SNX13: variants seen among roughly 807,000 people sequenced by gnomAD.
SNX13 encodes the protein sorting nexin-13.
SNX13 carries 45 observed loss-of-function variants against 133.6 expected under a neutral mutation model. The observed-to-expected ratio is 0.34, with a 90% CI of 0.27 to 0.43. The LOEUF (loss-of-function observed/expected upper bound fraction) is 0.43, where lower values mean the gene tolerates loss of function less well. SNX13 is among the 20% of genes least tolerant of loss of function. SNX13 has a pLI of 1.00. For missense variants in SNX13, 1,032 were observed against 1,145.1 expected (o/e 0.90, Z 1.43); for synonymous variants, 414 against 373.9 (o/e 1.11, Z -1.24).
chr7:17,841,008 C>A (rs1222997568), intron 12 of SNX13, among the ~76,000 whole-genome samples: 1 of 152,052 alleles, frequency 6.6e-6, no homozygotes, highest in Non-Finnish European at 1.5e-5. Flanking sequence ...ACTACTAGAA[C>A]AAGTAGCTGT....
At chr7:17,897,208 T>C (rs1797302726) in intron 2 of SNX13, 126 bp downstream of exon 2, 1 of 470,056 alleles carries the variant, frequency 2.1e-6, no homozygotes, top group Non-Finnish European at 3.6e-6. Context: ...TTTTTTTAAC[T>C]TTAGTAAAAG....
intron 1 of SNX13, among the ~76,000 whole-genome samples, chr7:17,909,279 G>A (rs1349063890): frequency 6.6e-6 from 1 of 152,144 alleles, no homozygotes; most frequent in Admixed American, 6.5e-5. Flanking sequence ...TCAACCATGT[G>A]GAAGACAGTG....
intron 9 of SNX13, among the ~76,000 whole-genome samples, chr7:17,857,558 C>T (rs1053957799): frequency 6.6e-6 from 1 of 152,014 alleles, no homozygotes; most frequent in African/African-American, 2.4e-5. Flanking sequence ...GCCGAGGTGG[C>T]GGATCACCAG....
chr7:17,870,798 G>T (rs922349042), intron 8 of SNX13, among the ~76,000 whole-genome samples: 8 of 152,088 alleles, frequency 5.3e-5, no homozygotes, highest in Non-Finnish European at 1.2e-4. Flanking sequence ...GGAGAAAGAG[G>T]TATCAAATTA....
intron 18 of SNX13, among the ~76,000 whole-genome samples, chr7:17,817,027 A>G (rs1280552437): frequency 1.3e-5 from 2 of 152,250 alleles, no homozygotes; most frequent in Admixed American, 6.5e-5. Flanking sequence ...TGTATACACA[A>G]TTATAATAAA....
At chr7:17,863,574 G>C (rs1477680334) in intron 9 of SNX13, among the ~76,000 whole-genome samples, 1 of 152,236 alleles carries the variant, frequency 6.6e-6, no homozygotes, top group Non-Finnish European at 1.5e-5. Context: ...CCCTTGGCCA[G>C]AAGGGAAGCT....
chr7:17,837,984 G>A (rs771452309), intron 13 of SNX13, among the ~76,000 whole-genome samples: 6 of 151,866 alleles, frequency 4.0e-5, no homozygotes, highest in African/African-American at 1.2e-4. Flanking sequence ...CCTCGTCAAA[G>A]ATCACCTACC....
chr7:17,873,798 C>T (rs1365657630), intron 7 of SNX13, among the ~76,000 whole-genome samples, 182 bp from the exon 8 acceptor site: 3 of 152,120 alleles, frequency 2.0e-5, no homozygotes, highest in African/African-American at 7.2e-5. Context: ...CAAGTAGTAA[C>T]TATTCATTAA....
chr7:17,935,984 G>C (rs1311046198), intron 1 of SNX13, among the ~76,000 whole-genome samples: 2 of 152,134 alleles, frequency 1.3e-5, no homozygotes, highest in East Asian at 3.8e-4. Flanking sequence ...TGTGAGCGTG[G>C]ATGTATGATG....
At chr7:17,802,568 T>A (rs1217139642) in intron 21 of SNX13, among the ~76,000 whole-genome samples, 1 of 152,062 alleles carries the variant, frequency 6.6e-6, no homozygotes, top group Non-Finnish European at 1.5e-5. Context: ...ACAGCAGAAG[T>A]GCGACTGAAC....
intron 1 of SNX13, among the ~76,000 whole-genome samples, chr7:17,912,415 C>CTTT (rs34849896): frequency 4.1e-5 from 6 of 147,734 alleles, no homozygotes; most frequent in Non-Finnish European, 6.0e-5. Flanking sequence ...GAGGAAAATG[C>CTTT]TTTTTTTTTT....
chr7:17,846,691 A>G (rs1790575615), intron 11 of SNX13, among the ~76,000 whole-genome samples: 1 of 152,174 alleles, frequency 6.6e-6, no homozygotes, highest in Non-Finnish European at 1.5e-5. Flanking sequence ...ATCCATCTCT[A>G]TAATTTGTAT....
At chr7:17,871,297 G>A (rs1164206160) in intron 8 of SNX13, among the ~76,000 whole-genome samples, 5 of 152,112 alleles carry the variant, frequency 3.3e-5, no homozygotes, top group East Asian at 1.9e-4. Flanking sequence ...GAGCCACCGC[G>A]CCTGGCCAAG....
In SNX13 at chr7:17,897,465, A is replaced by G. The variant is rs1797331730; in HGVS notation, c.13-19T>C. 17 of 1,371,596 alleles carry G rather than the reference A, an allele frequency of 1.2e-5. No homozygotes were observed. Among genetic ancestry groups the G allele is most frequent in the Middle Eastern group, 3.6e-4 (2 of 5,480 alleles). 85.0% of individuals were successfully genotyped at this position (1,371,596 alleles called of 1,614,324 possible). The stretch of plus-strand genomic sequence containing the variant: ...GACTGGCCTGAAATACAGAAAAAAT[A>G]TAAGTAAATTAGTAAATAATTCTCC... On this transcript the variant is annotated intron_variant, in intron 1 of 25. Transcript: ENST00000428135.
Position 17,839,873 on chromosome 7 carries a change from G to C in SNX13, c.1293C>G (p.Thr431=). 6.2e-7 allele frequency: 1 copy of C among 1,611,758 alleles called. No homozygotes were observed. The change falls in exon 13 of 26, where the codon ACC becomes ACG. Residue 431 remains threonine (T), a synonymous_variant. Coordinates refer to ENST00000428135, the MANE Select transcript of SNX13 (RefSeq NM_015132.5). The part of the protein sequence containing the change: ...LSRQRDGKHQ[T]NQTKGLLRAA... The stretch of plus-strand genomic sequence containing the variant: ...CTCTTAAAAGACCTTTGGTTTGGTT[G>C]GTTTGATGTTTTCCATCTCTCTGAC...
At chr7:17,804,121 G>T (rs1784926519) in intron 20 of SNX13, among the ~76,000 whole-genome samples, 1 of 151,802 alleles carries the variant, frequency 6.6e-6, no homozygotes, top group South Asian at 2.1e-4. Context: ...GCCAGATGAG[G>T]TTATTCTTAG....
intron 1 of SNX13, among the ~76,000 whole-genome samples, chr7:17,924,166 A>C (rs1300719478): frequency 6.6e-6 from 1 of 152,232 alleles, no homozygotes; most frequent in African/African-American, 2.4e-5. Flanking sequence ...TCCTGTGCTT[A>C]AATGACACCA....
intron 1 of SNX13, among the ~76,000 whole-genome samples, chr7:17,923,829 T>C (rs1422035721): frequency 6.6e-6 from 1 of 152,122 alleles, no homozygotes; most frequent in Non-Finnish European, 1.5e-5. Flanking sequence ...CACTACAAAG[T>C]ACACTGGTTG....
At chr7:17,853,807 T>A (rs1448053550) in intron 9 of SNX13, among the ~76,000 whole-genome samples, 1 of 152,094 alleles carries the variant, frequency 6.6e-6, no homozygotes, top group African/African-American at 2.4e-5. Context: ...CCAGGCATGC[T>A]GGTGGGCACC....
Sources: allele counts gnomAD v4.1 joint callset (sites outside exome capture counted in the v4.1 genomes callset), GRCh38; gene constraint gnomAD v4.1.1; transcripts MANE v1.5; gene names NCBI Gene and HGNC (gene_info 2026-07-23, HGNC 2026-07-21).